The following CDSN variants were observed in gnomAD, a reference collection of about 807,000 sequenced individuals.
The protein encoded by CDSN is corneodesmosin.
CDSN carries 11 observed loss-of-function variants against 25.6 expected under a neutral mutation model. That is an observed-to-expected ratio of 0.43 (90% CI 0.27 to 0.71). The LOEUF (loss-of-function observed/expected upper bound fraction) is 0.71, where lower values mean the gene tolerates loss of function less well. CDSN is among the 30% of genes least tolerant of loss of function. The probability of loss-of-function intolerance (pLI) is 0.20; values close to 1 mark genes in which losing one functional copy is unlikely to be tolerated. For synonymous variants in CDSN, 266 were observed against 267.4 expected (o/e 0.99, Z 0.05); for missense variants, 598 against 670.9 (o/e 0.89, Z 1.20).
chr6:31,118,840 C>CT (rs199861968), intron 1 of CDSN: 7 of 124,924 alleles, frequency 5.6e-5, no homozygotes, highest in African/African-American at 2.1e-4. Context: ...TTTTCTTCTT[C>CT]TTCTTTTTTT....
rs376877885 is a variant in CDSN at position 31,116,286 on chromosome 6, G to A, written c.1329C>T (p.Ile443=). The A allele has an allele frequency of 4.3e-6, 7 of 1,614,034 alleles. No individual in the cohort carries two copies. In the African/African-American group the frequency reaches 9.3e-5, roughly 22 times the overall value. The change falls in exon 2 of 2, where the codon ATC becomes ATT. Residue 443 remains isoleucine (I), a synonymous_variant. Transcript: ENST00000376288. ...SSSSSQSSGK[I]ILQPCGSKSS... is the part of the protein sequence containing the mutation. The stretch of plus-strand genomic sequence containing the variant: ...ACTTGCTGCCACAAGGCTGAAGGAT[G>A]ATTTTGCCACTGGATTGGGAACTGG...
At position 31,117,056 on chromosome 6, in the gene CDSN, G is replaced by T. The variant is rs925332231; in HGVS notation, c.559C>A (p.Leu187Ile). ...PTNDNSYRGILNPSQPGQSSS... is the reference protein window; with the variant it reads ...PTNDNSYRGIINPSQPGQSSS... The stretch of plus-strand genomic sequence containing the variant: ...CTTTGTCCAGGCTGGGAAGGGTTTA[G>T]TATTCCGCGGTAAGAGTTGTCATTG... The change falls in exon 2 of 2, where the codon CTA becomes ATA. Residue 187 changes from leucine to isoleucine, a missense_variant. By Grantham distance (5) the Leu-to-Ile change is conservative (BLOSUM62 2). Transcript: ENST00000376288. 6 of 1,614,272 alleles carry T rather than the reference G, an allele frequency of 3.7e-6. No homozygotes were observed. The highest frequency in any genetic ancestry group is 3.3e-4 in the Middle Eastern group (2 of 6,062).
chr6:31,117,183 G>A lies in CDSN; in HGVS notation c.432C>T (p.Ser144=), dbSNP rs1456102487. The A allele has an allele frequency of 1.2e-6, 2 of 1,611,862 alleles. No homozygotes were observed. The highest frequency in any genetic ancestry group is 8.5e-7 in the Non-Finnish European group (1 of 1,178,266). ...LGSSSSHSGN[S]GSHSGSSSSH... is the part of the protein sequence containing the mutation. ...AGCTGCTGCTTCCCGAGTGAGAGCC[G>A]CTGTTTCCCGAGTGAGAGCTGCTGC... Residue 144 remains serine, a synonymous_variant, in exon 2 of 2, where the codon AGC becomes AGT. Coordinates refer to ENST00000376288, the MANE Select transcript of CDSN (RefSeq NM_001264.5).
Position 31,116,964 on chromosome 6 carries a change from G to C in CDSN, c.651C>G (p.Pro217=). The C allele has an allele frequency of 1.2e-6, 2 of 1,614,226 alleles. No homozygotes were observed. Among genetic ancestry groups the C allele is most frequent in the Non-Finnish European group, 1.7e-6 (2 of 1,180,034 alleles). Residue 217 remains proline (P), a synonymous_variant, in exon 2 of 2, where the codon CCC becomes CCG. Coordinates refer to ENST00000376288, the MANE Select transcript of CDSN (RefSeq NM_001264.5). ...GAGAGTCGGGGATGTCCGAACTACA[G>C]GGACGCTGGTTGGAGCTGACGCTTT... is the stretch of plus-strand genomic sequence containing the variant. The part of the protein sequence containing the change: ...SGQSVSSNQR[P]CSSDIPDSPC...
chr6:31,119,901 A>G (rs1439941203), intron 1 of CDSN, among the ~76,000 whole-genome samples: 1 of 87,358 alleles, frequency 1.1e-5, no homozygotes, highest in East Asian at 3.7e-4. Flanking sequence ...GTGGGACTCC[A>G]TCTCACAAAA....
At position 31,118,837 on chromosome 6, in the gene CDSN, C is replaced by CTTTTTTTTTTTTTTTTTTTTTTTTTT. The variant is rs201665595; in HGVS notation, c.86-1309_86-1308insAAAAAAAAAAAAAAAAAAAAAAAAAA. 3 of 92,490 alleles carry CTTTTTTTTTTTTTTTTTTTTTTTTTT rather than the reference C, an allele frequency of 3.2e-5. 1 individual carries two copies. Among genetic ancestry groups the CTTTTTTTTTTTTTTTTTTTTTTTTTT allele is most frequent in the African/African-American group, 9.1e-5 (2 of 22,042 alleles). 5.7% of individuals were successfully genotyped at this position (92,490 alleles called of 1,614,324 possible). On this transcript the variant is annotated intron_variant, in intron 1 of 1. Transcript: ENST00000376288. ...ATCATCCACCTGGAAGTTTTTTCTT[C>CTTTTTTTTTTTTTTTTTTTTTTTTTT]TTCTTCTTTTTTTTTTTTTTTTTTG...
chr6:31,117,408 A>T lies in CDSN; in HGVS notation c.207T>A (p.Ser69Arg). 6.4e-7 allele frequency: 1 copy of T among 1,566,122 alleles called. No individual in the cohort carries two copies. ...KGDSSGFSSY[S>R]GSSSSGSSIS... ...TGGAGCTGCCAGAACTGCTGGAGCC[A>T]CTGTAGCTACTGAAACCGCTGGAGT... The change falls in exon 2 of 2, where the codon AGT becomes AGA. Residue 69 changes from serine to arginine, a missense_variant. Physicochemically the swap from Ser to Arg is moderately radical, Grantham distance 110 (BLOSUM62 -1). Coordinates refer to ENST00000376288, the MANE Select transcript of CDSN (RefSeq NM_001264.5).
Position 31,120,362 on chromosome 6 carries a change from G to T in CDSN, c.58C>A (p.Leu20Met). The change falls in exon 1 of 2, where the codon CTG becomes ATG. Residue 20 changes from leucine (L) to methionine (M), a missense_variant. By Grantham distance (15) the Leu-to-Met change is conservative. Coordinates refer to ENST00000376288, the MANE Select transcript of CDSN (RefSeq NM_001264.5). ...GRVGGHGMMA[L>M]LLAGLLLPGT... Reference sequence around the variant, plus strand: ...GGCAGGAGGAGACCAGCCAGCAGCAGTGCCATCATCCCGTGCCCACCCACA... The same window carrying T: ...GGCAGGAGGAGACCAGCCAGCAGCATTGCCATCATCCCGTGCCCACCCACA... 6.3e-7 allele frequency: 1 copy of T among 1,593,216 alleles called. No individual in the cohort carries two copies. Among genetic ancestry groups the T allele is most frequent in the Non-Finnish European group, 8.5e-7 (1 of 1,170,746 alleles).
At position 31,115,733 on chromosome 6, in the gene CDSN, GAATTGT is replaced by G; in HGVS notation, c.*286_*291del. 1 of 500,620 alleles carries G rather than the reference GAATTGT, an allele frequency of 2.0e-6. No individual in the cohort carries two copies. Among genetic ancestry groups the G allele is most frequent in the East Asian group, 3.1e-5 (1 of 32,380 alleles). The allele number at this position is 500,620 out of a possible 1,614,324, so 31.0% of individuals were successfully genotyped here. A position where few individuals can be genotyped will look rare whatever the true frequency, so the allele number is the denominator to read the frequency against. On this transcript the variant is annotated 3_prime_UTR_variant, in exon 2 of 2. Transcript: ENST00000376288. This position sits in a 1 kb window ranked among gnomAD's most constrained non-coding sequence, Gnocchi z 4.2. Reference sequence around the variant, plus strand: ...ATGGACCATTTCCACACAGTAGAGGGAATTGTAAGGGGTGGTGATCTGGCTGAGGGG... The same window carrying G: ...ATGGACCATTTCCACACAGTAGAGGGAAGGGGTGGTGATCTGGCTGAGGGG...
Position 31,117,064 on chromosome 6 carries a change from C to T in CDSN, c.551G>A (p.Arg184His), listed in dbSNP as rs779008800. 17 of 1,614,160 alleles carry T rather than the reference C, an allele frequency of 1.1e-5. No homozygotes were observed. The highest frequency in any genetic ancestry group is 2.7e-5 in the African/African-American group (2 of 75,036). The change falls in exon 2 of 2, where the codon CGC becomes CAC. Residue 184 changes from arginine (R) to histidine (H), a missense_variant. Transcript: ENST00000376288. ...AGGCTGGGAAGGGTTTAGTATTCCG[C>T]GGTAAGAGTTGTCATTGGTTGGCAG... is the stretch of plus-strand genomic sequence containing the variant. ...SALPTNDNSY[R>H]GILNPSQPGQ... is the part of the protein sequence containing the mutation.
chr6:31,118,905 C>T (rs12207756), intron 1 of CDSN: 18,649 of 135,598 alleles, frequency 0.14, 1,291 homozygotes, highest in Middle Eastern at 0.24. Flanking sequence ...TGCAATAACA[C>T]GGTCTCAGCT....
chr6:31,119,669 C>T (rs1180157560), intron 1 of CDSN, among the ~76,000 whole-genome samples: 10 of 152,210 alleles, frequency 6.6e-5, no homozygotes, highest in East Asian at 5.8e-4. Flanking sequence ...GAGGCTGAGG[C>T]GAGCGGATCA....
Position 31,115,186 on chromosome 6 carries a change from A to C in CDSN, c.*839T>G. 1 of 336,570 alleles carries C rather than the reference A, an allele frequency of 3.0e-6. No individual in the cohort carries two copies. The highest frequency in any genetic ancestry group is 5.8e-6 in the Non-Finnish European group (1 of 173,214). The allele number at this position is 336,570 out of a possible 1,614,324, so 20.8% of individuals were successfully genotyped here. On this transcript the variant is annotated 3_prime_UTR_variant, in exon 2 of 2. Coordinates refer to ENST00000376288, the MANE Select transcript of CDSN (RefSeq NM_001264.5). This position sits in a 1 kb window ranked among gnomAD's most constrained non-coding sequence, Gnocchi z 4.2. ...CCGCTTTTGAAGGAAAATGAGGAAC[A>C]CAGAGACCTCTAGAGGCGTAGGAAG...
rs1772132849 is a variant in CDSN at position 31,116,488 on chromosome 6, C to T, written c.1127G>A (p.Gly376Glu). ...GGAGCCGCCTCCACAGAGCTGGACCCCACCAGTCCCCACTGGCTGGAATGC... is the reference window on the plus strand; with the variant it reads ...GGAGCCGCCTCCACAGAGCTGGACCTCACCAGTCCCCACTGGCTGGAATGC... ...AIAFQPVGTG[G>E]VQLCGGGSTG... Residue 376 changes from glycine to glutamate, a missense_variant, in exon 2 of 2, where the codon GGG (glycine) becomes GAG (glutamate). Gly to Glu is a moderately conservative substitution (Grantham distance 98, BLOSUM62 -2). Transcript: ENST00000376288. 6.2e-7 allele frequency: 1 copy of T among 1,607,184 alleles called. No homozygotes were observed. The highest frequency in any genetic ancestry group is 8.5e-7 in the Non-Finnish European group (1 of 1,176,620).
Position 31,120,382 on chromosome 6 carries a change from C to T in CDSN, c.38G>A (p.Gly13Asp). 1.3e-6 allele frequency: 2 copies of T among 1,594,056 alleles called. No individual in the cohort carries two copies. Among genetic ancestry groups the T allele is most frequent in the Non-Finnish European group, 1.7e-6 (2 of 1,171,012 alleles). ...CAGCAGTGCCATCATCCCGTGCCCA[C>T]CCACACGCCCCATCCAGGGTGCCCG... is the stretch of plus-strand genomic sequence containing the variant. Reference protein sequence around the residue: ...SSRAPWMGRVGGHGMMALLLA... With the variant: ...SSRAPWMGRVDGHGMMALLLA... Residue 13 changes from glycine (G) to aspartate (D), a missense_variant, in exon 1 of 2, where the codon GGT becomes GAT. By Grantham distance (94) the Gly-to-Asp change is moderately conservative. Transcript: ENST00000376288.
intron 1 of CDSN, 104 bp from the exon 2 acceptor site, chr6:31,117,633 G>C (rs920875874): frequency 1.9e-5 from 18 of 944,804 alleles, no homozygotes; most frequent in Non-Finnish European, 2.8e-5. Flanking sequence ...CTCCCAAGCA[G>C]AGCGCAGGGA....
Position 31,115,883 on chromosome 6 carries a change from T to G in CDSN, c.*142A>C. 1.4e-6 allele frequency: 1 copy of G among 697,610 alleles called. No homozygotes were observed. Among genetic ancestry groups the G allele is most frequent in the Non-Finnish European group, 2.5e-6 (1 of 393,188 alleles). 43.2% of individuals were successfully genotyped at this position (697,610 alleles called of 1,614,324 possible). A position where few individuals can be genotyped will look rare whatever the true frequency, so the allele number is the denominator to read the frequency against. On this transcript the variant is annotated 3_prime_UTR_variant, in exon 2 of 2. Transcript: ENST00000376288. The surrounding 1 kb of genome is among the most constrained non-coding windows in gnomAD (Gnocchi z 4.2). The stretch of plus-strand genomic sequence containing the variant: ...TAAGAGAGAGTCTGCAACCTTGGGG[T>G]AGTGGAGAAAGCAGAACCACTCTTT...
chr6:31,116,712 G>A lies in CDSN; in HGVS notation c.903C>T (p.Gly301=), dbSNP rs200639568. Residue 301 remains glycine, a synonymous_variant, in exon 2 of 2, where the codon GGC becomes GGT. Coordinates refer to ENST00000376288, the MANE Select transcript of CDSN (RefSeq NM_001264.5). ...CTGGAACCAGATAACTGTCAGAGGAGCCACCCACCACCTCGTAGCCACCAT... is the reference window on the plus strand; with the variant it reads ...CTGGAACCAGATAACTGTCAGAGGAACCACCCACCACCTCGTAGCCACCAT... ...KSYGGYEVVG[G]SSDSYLVPGM... is the part of the protein sequence containing the mutation. 3.2e-5 allele frequency: 52 copies of A among 1,612,668 alleles called. No individual in the cohort carries two copies. In the Admixed American group the frequency reaches 8.5e-4, roughly 26 times the overall value.
Position 31,117,235 on chromosome 6 carries a change from C to G in CDSN, c.380G>C (p.Gly127Ala). The change falls in exon 2 of 2, where the codon GGT (glycine) becomes GCT (alanine). Residue 127 changes from glycine (G) to alanine (A), a missense_variant. Transcript: ENST00000376288. ...CCCCAGCTGGGAGGAACCGGATGCA[C>G]CTTGTAGACTAGAGCCAGATCCGGA... is the stretch of plus-strand genomic sequence containing the variant. Reference protein sequence around the residue: ...YSSGSGSSLQGASGSSQLGSS... With the variant: ...YSSGSGSSLQAASGSSQLGSS... 1 of 1,613,232 alleles carries G rather than the reference C, an allele frequency of 6.2e-7. No homozygotes were observed. Among genetic ancestry groups the G allele is most frequent in the Non-Finnish European group, 8.5e-7 (1 of 1,179,662 alleles).
Sources: allele counts gnomAD v4.1 joint callset (sites outside exome capture counted in the v4.1 genomes callset), GRCh38; gene constraint gnomAD v4.1.1; non-coding constraint Gnocchi (gnomAD v3.1); transcripts MANE v1.5; gene names NCBI Gene and HGNC (gene_info 2026-07-23, HGNC 2026-07-21).